The following NFKBID variants were observed in gnomAD, a reference collection of about 807,000 sequenced individuals.
NFKBID encodes NF-kappa-B inhibitor delta.
Under a neutral mutation model 53.4 loss-of-function variants are expected in NFKBID, and 26 were observed. The observed-to-expected ratio is 0.49, with a 90% CI of 0.36 to 0.68. The LOEUF (loss-of-function observed/expected upper bound fraction) is 0.68, where lower values mean the gene tolerates loss of function less well. Among genes scored for constraint, NFKBID ranks in the 30% least tolerant of loss-of-function variants. The pLI, the probability that NFKBID is intolerant of heterozygous loss-of-function variation, is 0.00. For missense variants in NFKBID, 493 were observed against 614.1 expected (o/e 0.80, Z 2.08); for synonymous variants, 262 against 259.8 (o/e 1.01, Z -0.08).
Position 35,896,297 on chromosome 19 carries a change from G to A in NFKBID, c.832-28C>T, listed in dbSNP as rs1196104681. ...GGGAGGAAGAGAAGGCAGACTGCTG[G>A]GTAAGGGTATCCCCTGGCCTCCTGG... On this transcript the variant is annotated intron_variant, in intron 7 of 11. Coordinates refer to ENST00000641389, the Ensembl canonical transcript of NFKBID. The surrounding 1 kb of genome is among the most constrained non-coding windows in gnomAD (Gnocchi z 5.7). 2 of 1,614,126 alleles carry A rather than the reference G, an allele frequency of 1.2e-6. No individual in the cohort carries two copies. Among genetic ancestry groups the A allele is most frequent in the South Asian group, 2.2e-5 (2 of 91,086 alleles).
chr19:35,889,200 A>G (rs1412475469), intron 11 of NFKBID, among the ~76,000 whole-genome samples: 1 of 150,592 alleles, frequency 6.6e-6, no homozygotes, highest in Non-Finnish European at 1.5e-5. Flanking sequence ...AAAAAAAAAA[A>G]ACAAAATTAG....
exon 12 of NFKBID, chr19:35,888,506 G>T: frequency 7.7e-7 from 1 of 1,298,440 alleles, no homozygotes; most frequent in Admixed American, 2.0e-5. Context: ...TACGCTGGCT[G>T]TCCCGCAGGA....
At chr19:35,898,922 C>G in intron 1 of NFKBID, 100 bp from the exon 2 acceptor site, 1 of 842,406 alleles carries the variant, frequency 1.2e-6, no homozygotes, top group South Asian at 1.5e-5. Context: ...CCCTCCTCGC[C>G]CTCCCGCGCG....
upstream of NFKBID, chr19:35,901,973 T>A: frequency 1.7e-6 from 1 of 589,376 alleles, no homozygotes; most frequent in Non-Finnish European, 3.0e-6. Flanking sequence ...AGGGGCAGAA[T>A]CCTGTCTGCA....
chr19:35,902,047 C>T (rs1321005156), upstream of NFKBID: 2 of 641,652 alleles, frequency 3.1e-6, no homozygotes, highest in Non-Finnish European at 5.6e-6. Flanking sequence ...GCCATCAACC[C>T]CCAAATTTAC....
rs769034533 is a variant in NFKBID, at chr19:35,896,341, G to A, written c.831+51C>T. 1 of 1,613,906 alleles carries A rather than the reference G, an allele frequency of 6.2e-7. No individual in the cohort carries two copies. Among genetic ancestry groups the A allele is most frequent in the South Asian group, 1.1e-5 (1 of 91,068 alleles). ...CTCCTGGCCCTGGAAGCCAAAATCT[G>A]GGCAACCAGTCTACCCCCCAGACAA... On this transcript the variant is annotated intron_variant, in intron 7 of 11. Transcript: ENST00000641389. This position sits in a 1 kb window ranked among gnomAD's most constrained non-coding sequence, Gnocchi z 5.7.
exon 4 of NFKBID, chr19:35,897,752 G>A (rs1385293692): frequency 3.7e-6 from 6 of 1,608,288 alleles, no homozygotes; most frequent in Non-Finnish European, 3.4e-6. Flanking sequence ...CAAGAGTAGG[G>A]GCTGTCAGTG....
chr19:35,896,882 G>T lies in NFKBID; in HGVS notation c.578+31C>A. 1 of 1,613,858 alleles carries T rather than the reference G, an allele frequency of 6.2e-7. No homozygotes were observed. Among genetic ancestry groups the T allele is most frequent in the Middle Eastern group, 1.7e-4 (1 of 6,060 alleles). ...GAGAACAGCCCCCACCAAGCCAAGAGTCTGCAGACAACCCTATCCCTTATA... is the reference window on the plus strand; with the variant it reads ...GAGAACAGCCCCCACCAAGCCAAGATTCTGCAGACAACCCTATCCCTTATA... On this transcript the variant is annotated intron_variant, in intron 5 of 11. Coordinates refer to ENST00000641389, the Ensembl canonical transcript of NFKBID. This position sits in a 1 kb window ranked among gnomAD's most constrained non-coding sequence, Gnocchi z 5.7.
Position 35,898,716 on chromosome 19 carries a change from C to T in NFKBID, c.165+3G>A, listed in dbSNP as rs1275887239. Reference sequence around the variant, plus strand: ...CCGGAGAGCTGTGGCTCCCTGGCCTCACCTGCACCCCGCCAGCGTCGGGCT... The same window carrying T: ...CCGGAGAGCTGTGGCTCCCTGGCCTTACCTGCACCCCGCCAGCGTCGGGCT... On this transcript the variant is annotated splice_donor_region_variant and intron_variant, in intron 2 of 11. Transcript: ENST00000641389. 4 of 1,535,610 alleles carry T rather than the reference C, an allele frequency of 2.6e-6. No individual in the cohort carries two copies. The South Asian group carries it at 4.8e-5, about 18-fold the overall frequency.
At chr19:35,894,247 A>C (rs549453145) in intron 9 of NFKBID, among the ~76,000 whole-genome samples, 1 of 152,230 alleles carries the variant, frequency 6.6e-6, no homozygotes, top group East Asian at 1.9e-4. Context: ...TGACAGAGTG[A>C]GATTCCATCT....
chr19:35,890,393 C>T lies in NFKBID; in HGVS notation c.1130G>A (p.Arg377Gln), dbSNP rs577066722. Residue 377 changes from arginine to glutamine, a missense_variant, in exon 10 of 12, where the codon CGG (arginine) becomes CAG (glutamine). By Grantham distance (43) the Arg-to-Gln change is conservative (BLOSUM62 1). Coordinates refer to ENST00000641389, the Ensembl canonical transcript of NFKBID. ...TCCCACCTTCATGTTGACAAAGGTCCGCAGGTCTCCCCGGGGCAGCTCCAG... is the reference window on the plus strand; with the variant it reads ...TCCCACCTTCATGTTGACAAAGGTCTGCAGGTCTCCCCGGGGCAGCTCCAG... 258 of 1,613,238 alleles carry T rather than the reference C, an allele frequency of 1.6e-4. 3 individuals carry two copies. The South Asian group carries it at 2.6e-3, about 16-fold the overall frequency.
At chr19:35,890,296 GC>G in intron 10 of NFKBID, 77 bp downstream of exon 10, 1 of 1,046,572 alleles carries the variant, frequency 9.6e-7, no homozygotes, top group Non-Finnish European at 1.5e-6. Flanking sequence ...CACGTCCACA[GC>G]CCCCAGGACC....
intron 4 of NFKBID, 128 bp from the exon 5 acceptor site, chr19:35,897,186 G>A (rs1975236811): frequency 1.0e-6 from 1 of 969,364 alleles, no homozygotes; most frequent in Non-Finnish European, 1.5e-6. Flanking sequence ...TGCATGCAGA[G>A]CCCCTGGGTA....
In NFKBID at chr19:35,896,605, C is replaced by A. The variant is rs1351453123; in HGVS notation, c.685-67G>T. On this transcript the variant is annotated intron_variant, in intron 6 of 11. Coordinates refer to ENST00000641389, the Ensembl canonical transcript of NFKBID. The surrounding 1 kb of genome is among the most constrained non-coding windows in gnomAD (Gnocchi z 5.7). ...TCCCGTCAGAAAACCAGGCTCCCAGCCCCATCCCCCCTCAGCCCCAGGAGC... is the reference window on the plus strand; with the variant it reads ...TCCCGTCAGAAAACCAGGCTCCCAGACCCATCCCCCCTCAGCCCCAGGAGC... The A allele has an allele frequency of 9.6e-6, 15 of 1,563,742 alleles. No homozygotes were observed. The highest frequency in any genetic ancestry group is 1.2e-5 in the Non-Finnish European group (14 of 1,139,078).
At chr19:35,900,984 C>A, upstream of NFKBID, among the ~76,000 whole-genome samples, 1 of 151,996 alleles carries the variant, frequency 6.6e-6, no homozygotes, top group South Asian at 2.1e-4. Context: ...AGGTGCTGGA[C>A]ACCATGCCTG....
chr19:35,900,862 GAGA>G (rs1277489001), upstream of NFKBID, among the ~76,000 whole-genome samples: 2 of 43,688 alleles, frequency 4.6e-5, no homozygotes, highest in East Asian at 7.9e-4. Flanking sequence ...TGTTGTTTTT[GAGA>G]AGGAGTCTCT....
In NFKBID at chr19:35,891,067, A is replaced by T. The variant is rs149827215; in HGVS notation, c.1033-577T>A. On this transcript the variant is annotated intron_variant, in intron 9 of 11. Transcript: ENST00000641389. ...AAAGAGACTCCTTTTCCAGTTCTTCAAAGCAACTGCCTTGGCTACCTGCCC... is the reference window on the plus strand; with the variant it reads ...AAAGAGACTCCTTTTCCAGTTCTTCTAAGCAACTGCCTTGGCTACCTGCCC... Among the ~76,000 whole-genome samples the T allele has an allele frequency of 7.3e-3, 1,113 of 152,298 alleles. 10 individuals are homozygous for T. The highest frequency in any genetic ancestry group is 0.012 in the Admixed American group (186 of 15,296).
rs1297362368 is a variant in NFKBID at position 35,897,060 on chromosome 19, T to G, written c.433-2A>C. The G allele has an allele frequency of 6.3e-7, 1 of 1,599,364 alleles. No homozygotes were observed. Among genetic ancestry groups the G allele is most frequent in the Admixed American group, 1.9e-5 (1 of 53,778 alleles). On this transcript the variant is annotated splice_acceptor_variant, in intron 4 of 11. Transcript: ENST00000641389. LOFTEE classifies it high-confidence loss of function. ...TGCAGAAACTCTCCAGGGTCCAGCCTGTGGCAGAGAAGATCCTACATAGAA... is the reference window on the plus strand; with the variant it reads ...TGCAGAAACTCTCCAGGGTCCAGCCGGTGGCAGAGAAGATCCTACATAGAA...
intron 1 of NFKBID, among the ~76,000 whole-genome samples, chr19:35,900,001 C>T (rs540674692): frequency 4.8e-4 from 73 of 151,034 alleles, no homozygotes; most frequent in African/African-American, 1.7e-3. Context: ...GGCAGGGTCA[C>T]CGCCAGCGTA....
Sources: gnomAD v4.1 joint callset for allele counts (sites outside exome capture counted in the v4.1 genomes callset) on GRCh38, gnomAD v4.1.1 for gene constraint, Gnocchi (gnomAD v3.1) non-coding constraint, MANE v1.5 for transcripts, NCBI Gene and HGNC (gene_info 2026-07-23, HGNC 2026-07-21) for gene names.